Variants in TUT4 observed in about 807,000 individuals in gnomAD.
TUT4 encodes terminal uridylyl transferase 4, also known as terminal uridylyltransferase 4.
Under a neutral mutation model 192.2 loss-of-function variants are expected in TUT4, and 36 were observed. The ratio of observed to expected loss-of-function variants is 0.19; its 90% CI spans 0.14 to 0.25. TUT4 has a LOEUF of 0.25. Ranked by LOEUF, TUT4 falls within the 10% of genes least tolerant of loss-of-function variation. TUT4 has a pLI of 1.00. For synonymous variants in TUT4, 618 were observed against 666.0 expected, an observed-to-expected ratio of 0.93 and a Z score of 1.11; for missense variants, 1,493 against 1,957.2, an observed-to-expected ratio of 0.76 and a Z score of 4.47.
At chr1:52,444,229 T>A (rs1656658096) in intron 24 of TUT4, among the ~76,000 whole-genome samples, 1 of 152,172 alleles carries the variant, frequency 6.6e-6, no homozygotes, top group Non-Finnish European at 1.5e-5. Context: ...CGAGACTCCG[T>A]CTCAAAAAAA....
chr1:52,438,663 G>GA (rs1399680866), intron 24 of TUT4, among the ~76,000 whole-genome samples: 2 of 152,142 alleles, frequency 1.3e-5, no homozygotes, highest in East Asian at 1.9e-4. Flanking sequence ...TTTGCCCATA[G>GA]AAAAAACAGG....
chr1:52,515,933 T>A lies in TUT4; in HGVS notation c.840A>T (p.Ala280=). The A allele has an allele frequency of 6.2e-7, 1 of 1,613,672 alleles. No homozygotes were observed. The highest frequency in any genetic ancestry group is 8.5e-7 in the Non-Finnish European group (1 of 1,179,904). The stretch of plus-strand genomic sequence containing the variant: ...TGTGATCTCTTTCTAAGCGTTCTTC[T>A]GCTTGTTTCAACCCCAGCCTCTGCT... ...TPEQRLGLKQ[A]EERLERDHIF... is the part of the protein sequence containing the mutation. Residue 280 remains alanine, a synonymous_variant, in exon 3 of 30, where the codon GCA becomes GCT. Coordinates refer to ENST00000257177, the MANE Select transcript of TUT4 (RefSeq NM_001009881.3).
chr1:52,440,127 T>C (rs928193255), intron 24 of TUT4, among the ~76,000 whole-genome samples: 1 of 152,206 alleles, frequency 6.6e-6, no homozygotes, highest in African/African-American at 2.4e-5. Flanking sequence ...AGAGACGGAA[T>C]GAGAACTGAC....
At chr1:52,498,668 C>T (rs948905469) in intron 4 of TUT4, among the ~76,000 whole-genome samples, 3 of 151,658 alleles carry the variant, frequency 2.0e-5, no homozygotes, top group African/African-American at 7.3e-5. Flanking sequence ...AGGCGTATCA[C>T]TTAAGGTCAG....
chr1:52,529,554 C>G (rs1218349530), intron 1 of TUT4, among the ~76,000 whole-genome samples: 1 of 151,970 alleles, frequency 6.6e-6, no homozygotes, highest in East Asian at 1.9e-4. Flanking sequence ...ATTTTTAATG[C>G]TAGTCTGCTA....
intron 16 of TUT4, 27 bp from the exon 17 acceptor site, chr1:52,461,796 T>G (rs901335549): frequency 1.6e-6 from 2 of 1,242,886 alleles, no homozygotes; most frequent in Non-Finnish European, 2.2e-6. Context: ...ATAAATAAGT[T>G]TGACTCAATT....
chr1:52,549,756 A>C (rs947783203), intron 1 of TUT4, among the ~76,000 whole-genome samples: 7 of 152,086 alleles, frequency 4.6e-5, no homozygotes, highest in Non-Finnish European at 1.0e-4. Context: ...AAGATTCCTC[A>C]CCTATAAACA....
At chr1:52,450,564 AT>A (rs1557688555) in intron 20 of TUT4, among the ~76,000 whole-genome samples, 2 of 152,084 alleles carry the variant, frequency 1.3e-5, no homozygotes, top group African/African-American at 4.8e-5. Context: ...AATAGTAAAA[AT>A]AATAATAAAA....
chr1:52,442,796 T>C (rs1421746623), intron 24 of TUT4, among the ~76,000 whole-genome samples: 1 of 152,124 alleles, frequency 6.6e-6, no homozygotes, highest in Non-Finnish European at 1.5e-5. Flanking sequence ...TGAAAGAGAA[T>C]AAAATAAATC....
intron 12 of TUT4, among the ~76,000 whole-genome samples, chr1:52,477,024 G>A (rs940573737): frequency 7.2e-5 from 11 of 152,178 alleles, no homozygotes; most frequent in African/African-American, 2.4e-4. Context: ...CTCCTTTAGC[G>A]AAGCCACATT....
chr1:52,464,624 C>G (rs1663592506), intron 16 of TUT4, among the ~76,000 whole-genome samples: 1 of 152,146 alleles, frequency 6.6e-6, no homozygotes, highest in African/African-American at 2.4e-5. Context: ...TTATAACTAA[C>G]TTTTAGAACA....
intron 2 of TUT4, among the ~76,000 whole-genome samples, chr1:52,525,316 TA>T (rs1681453822): frequency 6.6e-6 from 1 of 152,136 alleles, no homozygotes; most frequent in Non-Finnish European, 1.5e-5. Context: ...AAGAAGATAC[TA>T]AATTTTTATT....
At chr1:52,519,712 T>C (rs1219137947) in intron 2 of TUT4, among the ~76,000 whole-genome samples, 3 of 152,146 alleles carry the variant, frequency 2.0e-5, no homozygotes, top group African/African-American at 7.2e-5. Context: ...TTTCGCCATG[T>C]TGGCCAAGCT....
At chr1:52,477,474 T>C (rs768959188) in intron 12 of TUT4, among the ~76,000 whole-genome samples, 2 of 152,104 alleles carry the variant, frequency 1.3e-5, no homozygotes, top group Non-Finnish European at 2.9e-5. Context: ...CTCAGGAAGC[T>C]GAGGATCCCT....
intron 1 of TUT4, among the ~76,000 whole-genome samples, chr1:52,526,884 G>A (rs557621720): frequency 6.6e-6 from 1 of 152,076 alleles, no homozygotes; most frequent in Non-Finnish European, 1.5e-5. Context: ...AATTAGCCAG[G>A]CATGGTGGCG....
intron 3 of TUT4, among the ~76,000 whole-genome samples, chr1:52,513,122 C>CAA (rs756219029): frequency 2.7e-4 from 26 of 97,216 alleles, no homozygotes; most frequent in African/African-American, 8.4e-4. Context: ...GACCCTGTCT[C>CAA]AAAAAAAAAA....
At chr1:52,438,686 T>C (rs1453553266) in intron 24 of TUT4, among the ~76,000 whole-genome samples, 2 of 152,208 alleles carry the variant, frequency 1.3e-5, no homozygotes, top group African/African-American at 4.8e-5. Context: ...AAGTCTCACA[T>C]AAAAGATGTA....
At chr1:52,485,951 C>T (rs1372334816) in intron 9 of TUT4, among the ~76,000 whole-genome samples, 6 of 151,662 alleles carry the variant, frequency 4.0e-5, no homozygotes, top group East Asian at 1.9e-4. Flanking sequence ...GTAATTATAC[C>T]GTAGCATAAT....
At chr1:52,426,307 T>G (rs1649904680) in intron 28 of TUT4, among the ~76,000 whole-genome samples, 1 of 152,140 alleles carries the variant, frequency 6.6e-6, no homozygotes, top group South Asian at 2.1e-4. Flanking sequence ...AGCTAGCATA[T>G]AGGTAGGTAC....
Sources: gnomAD v4.1 joint callset for allele counts (sites outside exome capture counted in the v4.1 genomes callset) on GRCh38, gnomAD v4.1.1 for gene constraint, MANE v1.5 for transcripts, NCBI Gene and HGNC (gene_info 2026-07-23, HGNC 2026-07-21) for gene names.